FGF14: variants seen among roughly 807,000 people sequenced by gnomAD.
FGF14 encodes fibroblast growth factor 14.
FGF14 carries 5 observed loss-of-function variants against 25.5 expected under a neutral mutation model. That is an observed-to-expected ratio of 0.20 (90% CI 0.10 to 0.41). The LOEUF (loss-of-function observed/expected upper bound fraction) is 0.41. Among genes scored for constraint, FGF14 ranks in the 10% least tolerant of loss-of-function variants. The pLI is 1.00. For missense variants in FGF14, 222 were observed against 320.1 expected, an observed-to-expected ratio of 0.69 and a Z score of 2.34; for synonymous variants, 138 against 118.3, an observed-to-expected ratio of 1.17 and a Z score of -1.08.
rs1169259545 is a variant in FGF14, at chr13:101,711,237, A to C, written c.*11594T>G. On this transcript the variant is annotated 3_prime_UTR_variant, in exon 5 of 5. Coordinates refer to ENST00000376143, the MANE Select transcript of FGF14 (RefSeq NM_004115.4). Reference sequence around the variant, plus strand: ...GACTACTTCAAGCTAGATCCAGATAATCACGTCCAATCTTCTTACAGATGC... The same window carrying C: ...GACTACTTCAAGCTAGATCCAGATACTCACGTCCAATCTTCTTACAGATGC... 6.6e-6 allele frequency: 1 copy of C among 152,212 alleles called. No homozygotes were observed. The highest frequency in any genetic ancestry group is 1.5e-5 in the Non-Finnish European group (1 of 68,044). 9.4% of individuals were successfully genotyped at this position (152,212 alleles called of 1,614,324 possible). A position where few individuals can be genotyped will look rare whatever the true frequency, so the allele number is the denominator to read the frequency against.
At chr13:102,344,530 C>T (rs1276859626) in intron 1 of FGF14, among the ~76,000 whole-genome samples, 1 of 152,186 alleles carries the variant, frequency 6.6e-6, no homozygotes, top group Admixed American at 6.5e-5. Context: ...AGAGTATTAT[C>T]TGTTGGTTGA....
intron 3 of FGF14, among the ~76,000 whole-genome samples, chr13:101,792,074 T>C (rs2209878): frequency 0.45 from 69,005 of 151,972 alleles, 17,492 homozygotes; most frequent in Middle Eastern, 0.57. Context: ...AATAAAAAGA[T>C]CTATAATTGT....
intron 3 of FGF14, among the ~76,000 whole-genome samples, chr13:101,812,628 TATATATATATATATATATATATA>T (rs1566931036): frequency 1.9e-3 from 19 of 10,240 alleles, no homozygotes; most frequent in East Asian, 0.016. Context: ...TATATATATA[TATATATATATATATATATATATA>T]TATTTTTTTT....
At chr13:102,234,552 T>C (rs2051240466) in intron 1 of FGF14, among the ~76,000 whole-genome samples, 1 of 152,204 alleles carries the variant, frequency 6.6e-6, no homozygotes, top group Non-Finnish European at 1.5e-5. Context: ...TGGCACATTT[T>C]ATGTTATGTG....
At chr13:101,760,410 CAT>C (rs2139900422) in intron 3 of FGF14, among the ~76,000 whole-genome samples, 1 of 152,260 alleles carries the variant, frequency 6.6e-6, no homozygotes, top group East Asian at 1.9e-4. Context: ...TGCCTATTCA[CAT>C]GATAATTTTC....
intron 1 of FGF14, among the ~76,000 whole-genome samples, chr13:102,307,207 G>A (rs150096670): frequency 8.8e-4 from 134 of 152,200 alleles, no homozygotes; most frequent in African/African-American, 3.1e-3. Flanking sequence ...TCAATCCCAT[G>A]ACCATATGGA....
rs577817565 is a variant in FGF14, at chr13:102,006,250, T to C, written c.209-130954A>G. Among the ~76,000 whole-genome samples the C allele has an allele frequency of 3.3e-5, 5 of 152,280 alleles. No homozygotes were observed. In the East Asian group the frequency reaches 9.7e-4, roughly 29 times the overall value. On this transcript the variant is annotated intron_variant, in intron 1 of 4. Transcript: ENST00000376131. ...AAATCTGAAATTATTTCAAGAAAAA[T>C]TGTTACAAAAAACTTATTTGTGAAC...
chr13:101,999,884 T>C (rs1371734744), intron 1 of FGF14, among the ~76,000 whole-genome samples: 5 of 152,154 alleles, frequency 3.3e-5, no homozygotes, highest in Admixed American at 3.3e-4. Flanking sequence ...AAGGATCCAC[T>C]CAAAGGGGGT....
intron 1 of FGF14, among the ~76,000 whole-genome samples, chr13:101,986,807 T>C (rs2038606461): frequency 1.3e-5 from 2 of 152,040 alleles, no homozygotes; most frequent in African/African-American, 4.8e-5. Flanking sequence ...TCTATTCATG[T>C]TTAAACCTCC....
chr13:101,859,846 A>T (rs963210000), intron 3 of FGF14, among the ~76,000 whole-genome samples: 5 of 152,144 alleles, frequency 3.3e-5, no homozygotes, highest in Non-Finnish European at 5.9e-5. Context: ...CCAGAAATGG[A>T]ACTTGTCTGG....
intron 3 of FGF14, among the ~76,000 whole-genome samples, chr13:101,774,316 TTAA>T (rs1454814278): frequency 3.3e-5 from 5 of 152,134 alleles, no homozygotes; most frequent in Non-Finnish European, 2.9e-5. Flanking sequence ...ATCTGTAATA[TTAA>T]TAATTAGAAT....
chr13:102,232,024 T>A (rs1428473816), intron 1 of FGF14, among the ~76,000 whole-genome samples: 2 of 152,212 alleles, frequency 1.3e-5, no homozygotes, highest in South Asian at 2.1e-4. Context: ...GTGGTTTATG[T>A]AGGGATTTTA....
At chr13:101,900,129 T>C (rs139854648) in intron 1 of FGF14, among the ~76,000 whole-genome samples, 1 of 152,166 alleles carries the variant, frequency 6.6e-6, no homozygotes, top group African/African-American at 2.4e-5. Context: ...AATAAGAAAA[T>C]ATTTTACTAA....
intron 1 of FGF14, among the ~76,000 whole-genome samples, chr13:102,112,026 A>G (rs582292): frequency 0.53 from 80,725 of 151,986 alleles, 22,801 homozygotes; most frequent in East Asian, 0.75. Flanking sequence ...ATCATAGCTC[A>G]AATAAAGTCT....
chr13:102,060,383 G>A (rs542828208), intron 1 of FGF14, among the ~76,000 whole-genome samples: 1 of 152,082 alleles, frequency 6.6e-6, no homozygotes, highest in African/African-American at 2.4e-5. Flanking sequence ...AAAATTAGCC[G>A]GGCATGGTGG....
At chr13:101,866,304 C>T (rs2044703486) in intron 3 of FGF14, among the ~76,000 whole-genome samples, 1 of 151,844 alleles carries the variant, frequency 6.6e-6, no homozygotes, top group African/African-American at 2.4e-5. Flanking sequence ...GGTGTCAGAC[C>T]ATATTATGAA....
At chr13:102,268,440 C>A (rs775485838) in intron 1 of FGF14, among the ~76,000 whole-genome samples, 8 of 151,810 alleles carry the variant, frequency 5.3e-5, no homozygotes, top group Non-Finnish European at 1.2e-4. Context: ...TTGAGTAAAA[C>A]CAAAATATGT....
intron 1 of FGF14, among the ~76,000 whole-genome samples, chr13:102,094,662 C>A (rs1008382543): frequency 2.0e-5 from 3 of 152,090 alleles, no homozygotes; most frequent in African/African-American, 7.2e-5. Flanking sequence ...AACTCCCAAG[C>A]CTTGAAGGGA....
At chr13:102,210,977 C>G (rs4772452) in intron 1 of FGF14, among the ~76,000 whole-genome samples, 144,655 of 152,178 alleles carry the variant, frequency 0.95, 68,821 homozygotes, top group East Asian at 1. Context: ...CCTCTTGGGA[C>G]GAAAGACCCC....
Sources: allele counts gnomAD v4.1 joint callset (sites outside exome capture counted in the v4.1 genomes callset), GRCh38; gene constraint gnomAD v4.1.1; transcripts MANE v1.5; gene names NCBI Gene and HGNC (gene_info 2026-07-23, HGNC 2026-07-21).